The following CRLS1 variants were observed in gnomAD, a reference collection of about 807,000 sequenced individuals.
CRLS1 encodes the protein cardiolipin synthase (CMP-forming).
A neutral mutation model predicts 37.0 loss-of-function variants in CRLS1; 24 were observed. The observed-to-expected ratio is 0.65, with a 90% confidence interval of 0.47 to 0.91. The LOEUF is 0.91. CRLS1 is among the 40% of genes least tolerant of loss of function. The pLI, the probability that CRLS1 is intolerant of heterozygous loss-of-function variation, is 0.00. For synonymous variants in CRLS1, 135 were observed against 159.7 expected, an observed-to-expected ratio of 0.85 and a Z score of 1.17; for missense variants, 373 against 395.8, an observed-to-expected ratio of 0.94 and a Z score of 0.49.
upstream of CRLS1, chr20:6,005,974 A>G (rs2090047783): frequency 1.3e-5 from 4 of 301,420 alleles, no homozygotes; most frequent in Admixed American, 2.1e-4. Context: ...TGCTTCCCAA[A>G]ACCCACTGAG....
At chr20:6,032,440 T>C (rs2876004) in intron 5 of CRLS1, among the ~76,000 whole-genome samples, 111,631 of 150,950 alleles carry the variant, frequency 0.74, 42,368 homozygotes, top group African/African-American at 0.92. Context: ...TTCAAGCAAT[T>C]CTCCTGCCTT....
At chr20:6,033,556 C>A (rs1421751448) in intron 5 of CRLS1, among the ~76,000 whole-genome samples, 1 of 152,184 alleles carries the variant, frequency 6.6e-6, no homozygotes, top group Non-Finnish European at 1.5e-5. Flanking sequence ...CCATGGAGTG[C>A]TTCTCATGAT....
At chr20:6,019,461 CTG>C (rs1979038496) in intron 3 of CRLS1, among the ~76,000 whole-genome samples, 1 of 149,632 alleles carries the variant, frequency 6.7e-6, no homozygotes, top group African/African-American at 2.5e-5. Context: ...CTTTTGATGT[CTG>C]TAGGATATGT....
intron 5 of CRLS1, among the ~76,000 whole-genome samples, chr20:6,033,393 C>T (rs1416553240): frequency 6.6e-6 from 1 of 152,154 alleles, no homozygotes; most frequent in African/African-American, 2.4e-5. Flanking sequence ...ATCTCGGCCT[C>T]CCAAAGTGCT....
At chr20:6,035,562 C>T (rs1980482156) in intron 6 of CRLS1, among the ~76,000 whole-genome samples, 1 of 151,612 alleles carries the variant, frequency 6.6e-6, no homozygotes, top group Non-Finnish European at 1.5e-5. Context: ...AATCAAGTCA[C>T]CTTTATTGAG....
rs2090052600 is a variant in CRLS1, at chr20:6,006,282, G to A, written c.36G>A (p.Gly12=). 7.9e-7 allele frequency: 1 copy of A among 1,269,646 alleles called. No homozygotes were observed. Among genetic ancestry groups the A allele is most frequent in the Non-Finnish European group, 9.9e-7 (1 of 1,012,216 alleles). The allele number at this position is 1,269,646 out of a possible 1,614,324, so 78.6% of individuals were successfully genotyped here. A position where few individuals can be genotyped will look rare whatever the true frequency, so the allele number is the denominator to read the frequency against. Residue 12 remains glycine (G), a synonymous_variant, in exon 1 of 7, where the codon GGG becomes GGA. Coordinates refer to ENST00000378863, the MANE Select transcript of CRLS1 (RefSeq NM_019095.6). The stretch of plus-strand genomic sequence containing the variant: ...TGCGCGTGGCGCGCGGCTCGTGGGG[G>A]GCCCTGCGCGGCGCCGCTTGGGCTC... ...LALRVARGSW[G]ALRGAAWAPG...
At chr20:6,033,577 G>T (rs1189514564) in intron 5 of CRLS1, among the ~76,000 whole-genome samples, 1 of 152,220 alleles carries the variant, frequency 6.6e-6, no homozygotes, top group African/African-American at 2.4e-5. Context: ...GATAGAGGGA[G>T]TCTCCAGTGT....
intron 3 of CRLS1, among the ~76,000 whole-genome samples, chr20:6,022,739 A>G (rs1363745513): frequency 1.3e-5 from 2 of 151,964 alleles, no homozygotes; most frequent in Non-Finnish European, 2.9e-5. Context: ...TCTTGTTGCA[A>G]GTTTCTGTTT....
rs1459399230 is a variant in CRLS1, at chr20:6,006,495, G to C, written c.249G>C (p.Ala83=). The change falls in exon 1 of 7, where the codon GCG becomes GCC. Residue 83 remains alanine, a synonymous_variant. Coordinates refer to ENST00000378863, the MANE Select transcript of CRLS1 (RefSeq NM_019095.6). ...GKAAPRPAAG[A]GAAAEAPGGQ... is the part of the protein sequence containing the mutation. Reference sequence around the variant, plus strand: ...CGGCTCCCAGGCCAGCGGCCGGAGCGGGCGCCGCTGCCGAAGCCCCGGGCG... The same window carrying C: ...CGGCTCCCAGGCCAGCGGCCGGAGCCGGCGCCGCTGCCGAAGCCCCGGGCG... The C allele has an allele frequency of 5.9e-6, 8 of 1,361,690 alleles. No individual in the cohort carries two copies. The highest frequency in any genetic ancestry group is 7.5e-6 in the Non-Finnish European group (8 of 1,063,312). 84.4% of individuals were successfully genotyped at this position (1,361,690 alleles called of 1,614,324 possible).
At chr20:6,011,846 T>A (rs1978340518) in intron 2 of CRLS1, among the ~76,000 whole-genome samples, 1 of 151,714 alleles carries the variant, frequency 6.6e-6, no homozygotes, top group Non-Finnish European at 1.5e-5. Context: ...TCGGCCTCCC[T>A]CGGCCTGGGA....
chr20:6,039,171 C>A lies in CRLS1; in HGVS notation c.*2013C>A, dbSNP rs763328607. ...CTTTTGCAGCGAATTTTAGTCGGGG[C>A]CTCATTCCTGAGCCCAAGTGACCCT... is the stretch of plus-strand genomic sequence containing the variant. On this transcript the variant is annotated 3_prime_UTR_variant, in exon 7 of 7. Transcript: ENST00000378863. 6.6e-6 allele frequency: 1 copy of A among 152,082 alleles called. No homozygotes were observed. The highest frequency in any genetic ancestry group is 1.5e-5 in the Non-Finnish European group (1 of 68,034). The allele number at this position is 152,082 out of a possible 1,614,324, so 9.4% of individuals were successfully genotyped here.
In CRLS1 at chr20:6,006,186, G is replaced by T; in HGVS notation, c.-61G>T. The T allele has an allele frequency of 3.0e-6, 3 of 1,012,916 alleles. No homozygotes were observed. The highest frequency in any genetic ancestry group is 3.8e-6 in the Non-Finnish European group (3 of 793,762). 62.7% of individuals were successfully genotyped at this position (1,012,916 alleles called of 1,614,324 possible). On this transcript the variant is annotated 5_prime_UTR_variant, in exon 1 of 7. Coordinates refer to ENST00000378863, the MANE Select transcript of CRLS1 (RefSeq NM_019095.6). The stretch of plus-strand genomic sequence containing the variant: ...CCGGGTCTCCATGGAGAAGCGGCTC[G>T]CCAGTGTCCCAGGCTGCTGAGCTCT...
At chr20:6,036,588 A>G (rs1442866213) in intron 6 of CRLS1, among the ~76,000 whole-genome samples, 1 of 152,244 alleles carries the variant, frequency 6.6e-6, no homozygotes, top group East Asian at 1.9e-4. Flanking sequence ...CAGTAGAAAG[A>G]GCATGTGGGC....
At chr20:6,012,075 T>C (rs920558882) in intron 2 of CRLS1, among the ~76,000 whole-genome samples, 1 of 149,602 alleles carries the variant, frequency 6.7e-6, no homozygotes, top group African/African-American at 2.6e-5. Context: ...GCAGTATTCA[T>C]TGAATGTTAG....
chr20:6,028,150 G>C (rs2123005023), intron 3 of CRLS1: 1 of 152,192 alleles, frequency 6.6e-6, no homozygotes, highest in South Asian at 2.1e-4. Flanking sequence ...TAATAGCTTT[G>C]TTTCTCTAAG....
intron 3 of CRLS1, 45 bp from the exon 4 acceptor site, chr20:6,031,240 A>G: frequency 7.8e-7 from 1 of 1,288,570 alleles, no homozygotes; most frequent in South Asian, 1.3e-5. Context: ...GCATATTAGT[A>G]CTCTTCAGAA....
intron 3 of CRLS1, among the ~76,000 whole-genome samples, chr20:6,021,668 A>G (rs1002321521): frequency 1.3e-5 from 2 of 152,172 alleles, no homozygotes. Context: ...GTCTTAACCC[A>G]TATAGTCTTT....
At chr20:6,006,609 A>C (rs1029746490) in intron 1 of CRLS1, 57 bp downstream of exon 1, 2 of 1,242,246 alleles carry the variant, frequency 1.6e-6, no homozygotes, top group African/African-American at 3.1e-5. Context: ...CCGCCCCTGC[A>C]CTCAGGTAAC....
In CRLS1 at chr20:6,037,329, T is replaced by C. The variant is rs1343350061; in HGVS notation, c.*171T>C. 2.5e-6 allele frequency: 1 copy of C among 402,616 alleles called. No homozygotes were observed. Among genetic ancestry groups the C allele is most frequent in the Non-Finnish European group, 4.4e-6 (1 of 227,078 alleles). The allele number at this position is 402,616 out of a possible 1,614,324, so 24.9% of individuals were successfully genotyped here. On this transcript the variant is annotated 3_prime_UTR_variant, in exon 7 of 7. Transcript: ENST00000378863. ...TGTGCATTGAAAATAAGGTTGATCA[T>C]GGGAATATGCAGAATTTCCAATGTA...
Sources: allele counts gnomAD v4.1 joint callset (sites outside exome capture counted in the v4.1 genomes callset), GRCh38; gene constraint gnomAD v4.1.1; transcripts MANE v1.5; gene names NCBI Gene and HGNC (gene_info 2026-07-23, HGNC 2026-07-21).